RANBP17: variants seen among roughly 807,000 people sequenced by gnomAD.
RANBP17 encodes the protein RAN binding protein 17.
RANBP17 carries 158 observed loss-of-function variants against 141.2 expected under a neutral mutation model. The ratio of observed to expected loss-of-function variants is 1.12; its 90% CI spans 0.98 to 1.28. The LOEUF (loss-of-function observed/expected upper bound fraction) is 1.28, where lower values mean the gene tolerates loss of function less well. Among genes scored for constraint, RANBP17 ranks in the 50% most tolerant of loss-of-function variants. The probability of loss-of-function intolerance (pLI) is 0.00; values close to 1 mark genes in which losing one functional copy is unlikely to be tolerated. For synonymous variants in RANBP17, 430 were observed against 450.0 expected (o/e 0.96, Z 0.56); for missense variants, 1,438 against 1,290.7 (o/e 1.11, Z -1.75).
At chr5:171,162,560 C>T (rs1455637250) in intron 14 of RANBP17, among the ~76,000 whole-genome samples, 1 of 152,112 alleles carries the variant, frequency 6.6e-6, no homozygotes, top group Non-Finnish European at 1.5e-5. Flanking sequence ...AATTACCAGC[C>T]TTGCTGGTTT....
intron 18 of RANBP17, among the ~76,000 whole-genome samples, chr5:171,192,977 G>A (rs1761747431): frequency 6.6e-6 from 1 of 152,212 alleles, no homozygotes; most frequent in African/African-American, 2.4e-5. Flanking sequence ...AAGTTTTACT[G>A]TAATATAACT....
chr5:170,986,836 A>C (rs1778177978), intron 14 of RANBP17, among the ~76,000 whole-genome samples: 1 of 151,918 alleles, frequency 6.6e-6, no homozygotes, highest in South Asian at 2.1e-4. Context: ...ATGTTACTGT[A>C]ATAACAGTTA....
intron 14 of RANBP17, chr5:170,970,805 C>G (rs1045988539): frequency 6.6e-6 from 1 of 151,988 alleles, no homozygotes; most frequent in African/African-American, 2.4e-5. Context: ...TGAGAGTGTT[C>G]GTTTTGTCTG....
At chr5:171,263,957 G>T (rs1173491506) in intron 24 of RANBP17, among the ~76,000 whole-genome samples, 1 of 152,188 alleles carries the variant, frequency 6.6e-6, no homozygotes, top group Non-Finnish European at 1.5e-5. Flanking sequence ...AGCTACTTGG[G>T]AGGCTGAGGT....
chr5:171,090,430 A>G (rs1786160649), intron 14 of RANBP17, among the ~76,000 whole-genome samples: 1 of 152,210 alleles, frequency 6.6e-6, no homozygotes, highest in African/African-American at 2.4e-5. Context: ...GGTGCTGTTA[A>G]AGGCATTCAG....
At chr5:170,930,631 G>C (rs1179243112) in intron 12 of RANBP17, among the ~76,000 whole-genome samples, 1 of 151,928 alleles carries the variant, frequency 6.6e-6, no homozygotes, top group East Asian at 1.9e-4. Context: ...TTATTGTTCA[G>C]TTCCCACCTA....
intron 14 of RANBP17, among the ~76,000 whole-genome samples, chr5:171,149,954 G>A (rs1758353123): frequency 6.6e-6 from 1 of 152,188 alleles, no homozygotes; most frequent in Non-Finnish European, 1.5e-5. Flanking sequence ...GTAAGTACTA[G>A]TGAACAGATG....
chr5:170,878,266 T>TA (rs771875402), intron 2 of RANBP17, 23 bp downstream of exon 2: 2 of 1,587,046 alleles, frequency 1.3e-6, no homozygotes, highest in Non-Finnish European at 1.7e-6. Context: ...TAACAATGAT[T>TA]AACCATGAAA....
chr5:171,089,981 A>T (rs1370805119), intron 14 of RANBP17, among the ~76,000 whole-genome samples: 1 of 152,182 alleles, frequency 6.6e-6, no homozygotes. Context: ...CTTCGTGGTT[A>T]TGTCTTTATC....
In RANBP17 at chr5:171,213,625, T is replaced by A. The variant is rs878957120; in HGVS notation, c.2232-6T>A. 6.2e-7 allele frequency: 1 copy of A among 1,606,498 alleles called. No homozygotes were observed. Among genetic ancestry groups the A allele is most frequent in the Admixed American group, 1.7e-5 (1 of 59,990 alleles). On this transcript the variant is annotated splice_region_variant and splice_polypyrimidine_tract_variant and intron_variant, in intron 20 of 27. Transcript: ENST00000523189. ...CCCTTAAATTCTTTAACAGGCTTTA[T>A]AAAAGGTACCCAACGTACCTTCCCC... is the stretch of plus-strand genomic sequence containing the variant.
chr5:171,159,526 T>G (rs1018115663), intron 14 of RANBP17, among the ~76,000 whole-genome samples: 1 of 152,188 alleles, frequency 6.6e-6, no homozygotes, highest in African/African-American at 2.4e-5. Context: ...CTGTTCCCAC[T>G]GTGAGAGAAT....
At chr5:170,978,091 T>C (rs1777513888) in intron 14 of RANBP17, among the ~76,000 whole-genome samples, 1 of 152,090 alleles carries the variant, frequency 6.6e-6, no homozygotes, top group South Asian at 2.1e-4. Flanking sequence ...ATGGCCAATA[T>C]GCATATAAAA....
chr5:171,170,514 G>A (rs914369987), intron 15 of RANBP17, among the ~76,000 whole-genome samples: 4 of 151,918 alleles, frequency 2.6e-5, no homozygotes, highest in Non-Finnish European at 5.9e-5. Context: ...TATTTAAAAA[G>A]AAAAGCACGC....
chr5:170,879,369 A>T (rs1453447865), intron 2 of RANBP17, among the ~76,000 whole-genome samples: 1 of 152,118 alleles, frequency 6.6e-6, no homozygotes, highest in Non-Finnish European at 1.5e-5. Context: ...AGTTAAATGG[A>T]TTTTATAATA....
chr5:170,864,745 A>G lies in RANBP17; in HGVS notation c.18+2694A>G, dbSNP rs543522113. On this transcript the variant is annotated intron_variant, in intron 1 of 27. Coordinates refer to ENST00000523189, the MANE Select transcript of RANBP17 (RefSeq NM_022897.5). ...GCTCAGGACTGTTTAAGAAGCAGGA[A>G]ATATAGCCATGCTTCTTAATCTCCA... Among the ~76,000 whole-genome samples the G allele has an allele frequency of 1.3e-4, 20 of 152,338 alleles. No individual in the cohort carries two copies. The South Asian group carries it at 2.1e-3, about 16-fold the overall frequency.
intron 25 of RANBP17, among the ~76,000 whole-genome samples, chr5:171,279,773 A>T (rs1251521748): frequency 6.6e-6 from 1 of 152,136 alleles, no homozygotes; most frequent in Non-Finnish European, 1.5e-5. Context: ...TGACTGTATG[A>T]GAGACCTATG....
chr5:170,918,434 T>C (rs1772157612), intron 9 of RANBP17: 1 of 136,254 alleles, frequency 7.3e-6, no homozygotes, highest in African/African-American at 3.8e-5. Flanking sequence ...ACACAACTTT[T>C]GTGTACTATA....
chr5:171,006,395 A>G lies in RANBP17; in HGVS notation c.1710+38018A>G, dbSNP rs546696751. Among the ~76,000 whole-genome samples, 545 of 152,330 alleles carry G rather than the reference A, an allele frequency of 3.6e-3. 2 individuals carry two copies. The highest frequency in any genetic ancestry group is 0.011 in the African/African-American group (445 of 41,580). On this transcript the variant is annotated intron_variant, in intron 14 of 27. Coordinates refer to ENST00000523189, the MANE Select transcript of RANBP17 (RefSeq NM_022897.5). ...GATTAAGAAAATGTGGCACATATACACCATGGAATACTATGCAGCCATAAA... is the reference window on the plus strand; with the variant it reads ...GATTAAGAAAATGTGGCACATATACGCCATGGAATACTATGCAGCCATAAA...
intron 25 of RANBP17, among the ~76,000 whole-genome samples, chr5:171,277,943 T>TCC (rs1767632019): frequency 2.9e-4 from 7 of 24,498 alleles, no homozygotes; most frequent in Admixed American, 4.7e-4. Context: ...TCTTTCTTTT[T>TCC]TTTTTTTTTT....
Sources: allele counts gnomAD v4.1 joint callset (sites outside exome capture counted in the v4.1 genomes callset), GRCh38; gene constraint gnomAD v4.1.1; transcripts MANE v1.5; gene names NCBI Gene and HGNC (gene_info 2026-07-23, HGNC 2026-07-21).